RNF150: variants seen among roughly 807,000 people sequenced by gnomAD.
RNF150 encodes ring finger protein 150.
Under a neutral mutation model 39.3 loss-of-function variants are expected in RNF150, and 24 were observed. That is an observed-to-expected ratio of 0.61 (90% confidence interval 0.44 to 0.86). The LOEUF (loss-of-function observed/expected upper bound fraction) is 0.86. RNF150 is among the 40% of genes least tolerant of loss of function. RNF150 has a pLI of 0.00. For missense variants in RNF150, 502 were observed against 587.8 expected (o/e 0.85, Z 1.51); for synonymous variants, 255 against 227.3 (o/e 1.12, Z -1.10).
intron 1 of RNF150, among the ~76,000 whole-genome samples, chr4:141,205,239 T>C (rs944581662): frequency 6.6e-6 from 1 of 152,186 alleles, no homozygotes; most frequent in African/African-American, 2.4e-5. Context: ...AAGCATCTAG[T>C]ACAGGTACAT....
chr4:140,881,896 T>A (rs1729387495), intron 6 of RNF150, among the ~76,000 whole-genome samples: 1 of 152,124 alleles, frequency 6.6e-6, no homozygotes, highest in South Asian at 2.1e-4. Flanking sequence ...AAAAAGAGGA[T>A]GTTGTTTAAT....
At chr4:141,078,834 C>CAG (rs1560726439) in intron 1 of RNF150, among the ~76,000 whole-genome samples, 1 of 140,900 alleles carries the variant, frequency 7.1e-6, no homozygotes, top group Non-Finnish European at 1.5e-5. Context: ...TATATATATA[C>CAG]ACACACACAC....
At chr4:140,962,415 G>A (rs776301342) in intron 2 of RNF150, among the ~76,000 whole-genome samples, 29 of 150,950 alleles carry the variant, frequency 1.9e-4, no homozygotes, top group Non-Finnish European at 3.7e-4. Flanking sequence ...ATGAAGATGT[G>A]TATATATATA....
At chr4:141,178,194 A>G (rs1053673166) in intron 1 of RNF150, among the ~76,000 whole-genome samples, 12 of 152,154 alleles carry the variant, frequency 7.9e-5, no homozygotes, top group African/African-American at 2.7e-4. Context: ...TGAACCTTAG[A>G]CAGAATGTTT....
At position 140,868,528 on chromosome 4, in the gene RNF150, G is replaced by A. The variant is rs1728804400; in HGVS notation, c.1199-149C>T. The A allele has an allele frequency of 6.9e-6, 4 of 580,840 alleles. No homozygotes were observed. The East Asian group carries it at 1.1e-4, about 17-fold the overall frequency. The allele number at this position is 580,840 out of a possible 1,614,324, so 36.0% of individuals were successfully genotyped here. ...GTATTCTGTAAAAACTCTAGTTAAAGCCTCATCTCACATGGGCCAAAAAGT... is the reference window on the plus strand; with the variant it reads ...GTATTCTGTAAAAACTCTAGTTAAAACCTCATCTCACATGGGCCAAAAAGT... On this transcript the variant is annotated intron_variant, in intron 6 of 6. Transcript: ENST00000515673.
intron 6 of RNF150, among the ~76,000 whole-genome samples, chr4:140,881,180 T>G (rs1303598726): frequency 6.6e-6 from 1 of 151,328 alleles, no homozygotes; most frequent in Admixed American, 6.6e-5. Flanking sequence ...TTTTTTTTTT[T>G]AAGACAAGGT....
At chr4:141,013,242 A>G (rs1052756180) in intron 1 of RNF150, among the ~76,000 whole-genome samples, 1 of 152,138 alleles carries the variant, frequency 6.6e-6, no homozygotes, top group African/African-American at 2.4e-5. Flanking sequence ...ACAGTAAAAT[A>G]CTCCATTACT....
At chr4:141,178,371 T>C (rs1233748080) in intron 1 of RNF150, among the ~76,000 whole-genome samples, 1 of 152,222 alleles carries the variant, frequency 6.6e-6, no homozygotes, top group Non-Finnish European at 1.5e-5. Context: ...TGCCTTGTGA[T>C]GCAAAGCTAT....
intron 1 of RNF150, among the ~76,000 whole-genome samples, chr4:141,002,738 G>GC (rs1734710932): frequency 6.6e-6 from 1 of 152,196 alleles, no homozygotes; most frequent in Admixed American, 6.5e-5. Context: ...GTGACGAGCT[G>GC]CAGGGGGAAG....
intron 1 of RNF150, among the ~76,000 whole-genome samples, chr4:141,095,323 G>A (rs538338278): frequency 1.1e-4 from 17 of 152,150 alleles, no homozygotes; most frequent in Non-Finnish European, 2.1e-4. Flanking sequence ...GACCGGGGCA[G>A]GCAATATGAC....
Position 141,099,310 on chromosome 4 carries a change from A to G in RNF150, c.484+33015T>C, listed in dbSNP as rs1469286769. ...AGGAAAAAGGTAGAAAGTGCTCTGC[A>G]ACCAAGCAGTAGAGAAATTATTTAC... is the stretch of plus-strand genomic sequence containing the variant. On this transcript the variant is annotated intron_variant, in intron 1 of 6. Transcript: ENST00000515673. Among the ~76,000 whole-genome samples, 3 of 152,178 alleles carry G rather than the reference A, an allele frequency of 2.0e-5. No homozygotes were observed. The East Asian group carries it at 5.8e-4, about 29-fold the overall frequency.
intron 1 of RNF150, among the ~76,000 whole-genome samples, chr4:141,080,916 G>A (rs1219959212): frequency 6.6e-6 from 1 of 152,140 alleles, no homozygotes; most frequent in South Asian, 2.1e-4. Flanking sequence ...CCGGTGGGCC[G>A]AATGTGAGAA....
intron 5 of RNF150, among the ~76,000 whole-genome samples, chr4:140,923,745 T>C (rs372708506): frequency 6.6e-6 from 1 of 152,094 alleles, no homozygotes; most frequent in Non-Finnish European, 1.5e-5. Flanking sequence ...TGATAGACTG[T>C]ATTAAGAAAA....
chr4:141,189,383 C>T (rs972388994), intron 1 of RNF150, among the ~76,000 whole-genome samples: 1 of 152,150 alleles, frequency 6.6e-6, no homozygotes, highest in African/African-American at 2.4e-5. Context: ...GCACAGGGAC[C>T]CACTTGAGGA....
At chr4:140,961,068 T>G (rs1733003522) in intron 2 of RNF150, among the ~76,000 whole-genome samples, 1 of 152,100 alleles carries the variant, frequency 6.6e-6, no homozygotes, top group Non-Finnish European at 1.5e-5. Flanking sequence ...GACTCCAAAG[T>G]TGGTATCTTT....
At chr4:140,916,776 T>A (rs1305074693) in intron 5 of RNF150, among the ~76,000 whole-genome samples, 2 of 152,140 alleles carry the variant, frequency 1.3e-5, no homozygotes, top group African/African-American at 2.4e-5. Context: ...GAAAAAGGGT[T>A]AAGGGCAGCC....
intron 5 of RNF150, among the ~76,000 whole-genome samples, chr4:140,923,325 C>T (rs1018524261): frequency 2.6e-5 from 4 of 152,224 alleles, no homozygotes; most frequent in Admixed American, 2.6e-4. Context: ...TGAACAGAGA[C>T]TTCTCAAAAG....
intron 1 of RNF150, among the ~76,000 whole-genome samples, chr4:141,029,641 G>T (rs936028186): frequency 4.6e-5 from 7 of 152,090 alleles, no homozygotes; most frequent in Non-Finnish European, 8.8e-5. Context: ...GGAATGACTG[G>T]GTATGCCTCA....
intron 1 of RNF150, among the ~76,000 whole-genome samples, chr4:141,155,597 GCA>G (rs1727378208): frequency 6.6e-6 from 1 of 152,136 alleles, no homozygotes; most frequent in Non-Finnish European, 1.5e-5. Context: ...AATTGGGTAT[GCA>G]AGTATGAGTA....
Sources: allele counts gnomAD v4.1 joint callset (sites outside exome capture counted in the v4.1 genomes callset), GRCh38; gene constraint gnomAD v4.1.1; transcripts MANE v1.5; gene names NCBI Gene and HGNC (gene_info 2026-07-23, HGNC 2026-07-21).